ERC2: variants seen among roughly 807,000 people sequenced by gnomAD.
The protein encoded by ERC2 is ELKS/RAB6-interacting/CAST family member 2.
Under a neutral mutation model 114.8 loss-of-function variants are expected in ERC2, and 42 were observed. The ratio of observed to expected loss-of-function variants is 0.37; its 90% confidence interval spans 0.29 to 0.47. The LOEUF is 0.47. ERC2 is among the 20% of genes least tolerant of loss of function. The probability of loss-of-function intolerance (pLI) is 0.99; values close to 1 mark genes in which losing one functional copy is unlikely to be tolerated. For synonymous variants in ERC2, 454 were observed against 425.5 expected, an observed-to-expected ratio of 1.07 and a Z score of -0.82; for missense variants, 939 against 1,150.7, an observed-to-expected ratio of 0.82 and a Z score of 2.66.
chr3:56,158,024 C>T (rs534919454), intron 4 of ERC2, among the ~76,000 whole-genome samples: 2 of 152,290 alleles, frequency 1.3e-5, no homozygotes, highest in East Asian at 3.9e-4. Flanking sequence ...GCAGGGACTG[C>T]TGGCCTGGGC....
chr3:55,833,557 G>A (rs527294954), intron 14 of ERC2, among the ~76,000 whole-genome samples: 7 of 152,282 alleles, frequency 4.6e-5, no homozygotes, highest in African/African-American at 1.7e-4. Context: ...ACAAGCAAAT[G>A]CTGAGAGATT....
chr3:55,841,768 A>C (rs541381044), intron 14 of ERC2, among the ~76,000 whole-genome samples: 29 of 152,286 alleles, frequency 1.9e-4, no homozygotes, highest in African/African-American at 7.0e-4. Flanking sequence ...TTGATTCTAG[A>C]GTCAACAATC....
intron 7 of ERC2, among the ~76,000 whole-genome samples, chr3:56,030,036 G>A (rs1451695981): frequency 2.0e-5 from 3 of 152,024 alleles, no homozygotes; most frequent in Non-Finnish European, 4.4e-5. Context: ...TCAGTTTCAT[G>A]TATGTTTTTC....
At chr3:55,813,386 A>G (rs1159176462) in intron 14 of ERC2, among the ~76,000 whole-genome samples, 1 of 152,212 alleles carries the variant, frequency 6.6e-6, no homozygotes, top group Admixed American at 6.5e-5. Context: ...GTGAGTGCAG[A>G]TGGAGAACTC....
chr3:56,192,660 A>G (rs2047861892), intron 3 of ERC2, among the ~76,000 whole-genome samples: 1 of 152,136 alleles, frequency 6.6e-6, no homozygotes. Context: ...TCAGGCTGGG[A>G]CCCAGGCAGG....
intron 16 of ERC2, among the ~76,000 whole-genome samples, chr3:55,697,185 G>A (rs546833722): frequency 1.3e-5 from 2 of 152,210 alleles, no homozygotes; most frequent in Admixed American, 6.5e-5. Flanking sequence ...CCACATAGTG[G>A]CTGCCATGGA....
chr3:55,641,549 C>CAAAAAAAAAAAAAAAAA (rs57407975), intron 17 of ERC2, among the ~76,000 whole-genome samples: 1 of 28,326 alleles, frequency 3.5e-5, no homozygotes. Flanking sequence ...GATTCTATCT[C>CAAAAAAAAAAAAAAAAA]AAAAAAAAAA....
At chr3:56,429,276 CA>C (rs1183394983) in intron 2 of ERC2, among the ~76,000 whole-genome samples, 1 of 152,200 alleles carries the variant, frequency 6.6e-6, no homozygotes, top group Non-Finnish European at 1.5e-5. Context: ...CCCTGCCCCC[CA>C]TAACACCTAT....
At chr3:55,512,007 G>T (rs2052106356) in intron 17 of ERC2, among the ~76,000 whole-genome samples, 1 of 152,204 alleles carries the variant, frequency 6.6e-6, no homozygotes. Flanking sequence ...GCCTGTGAGT[G>T]CTTCTGGGTT....
intron 17 of ERC2, among the ~76,000 whole-genome samples, chr3:55,678,439 G>T (rs571310335): frequency 6.6e-6 from 1 of 152,190 alleles, no homozygotes; most frequent in African/African-American, 2.4e-5. Flanking sequence ...TTCTCTCTAG[G>T]TCCCTCTAGT....
chr3:55,981,926 G>A (rs551226989), intron 12 of ERC2, among the ~76,000 whole-genome samples: 18 of 152,226 alleles, frequency 1.2e-4, no homozygotes, highest in African/African-American at 3.9e-4. Context: ...CATGACTGCC[G>A]CCTCCCATGT....
At chr3:55,625,319 A>G (rs996429006) in intron 17 of ERC2, among the ~76,000 whole-genome samples, 10 of 149,990 alleles carry the variant, frequency 6.7e-5, no homozygotes, top group Non-Finnish European at 1.3e-4. Context: ...GTGAGCCCAG[A>G]TCGGACCACT....
At position 56,367,891 on chromosome 3, in the gene ERC2, A is replaced by G. The variant is rs543494730; in HGVS notation, c.657+66460T>C. 4.0e-5 allele frequency among the ~76,000 whole-genome samples: 6 copies of G among 151,864 alleles called. No homozygotes were observed. In the East Asian group the frequency reaches 1.2e-3, roughly 29 times the overall value. ...GTTAAAAACAAAAACAAAAACAAAA[A>G]AAGAGGTTGAGGTAGGAGTATTGCT... On this transcript the variant is annotated intron_variant, in intron 2 of 17. Transcript: ENST00000288221.
At position 56,069,312 on chromosome 3, in the gene ERC2, G is replaced by C. The variant is rs552386943; in HGVS notation, c.1641+11505C>G. On this transcript the variant is annotated intron_variant, in intron 7 of 17. Coordinates refer to ENST00000288221, the MANE Select transcript of ERC2 (RefSeq NM_015576.3). Reference sequence around the variant, plus strand: ...TGTTTACTTGCCTCTGAATTTCCATGAGAGGTTTGGGAACTCTGAAAAGTT... The same window carrying C: ...TGTTTACTTGCCTCTGAATTTCCATCAGAGGTTTGGGAACTCTGAAAAGTT... 2.0e-5 allele frequency among the ~76,000 whole-genome samples: 3 copies of C among 152,288 alleles called. No homozygotes were observed. In the South Asian group the frequency reaches 6.2e-4, roughly 32 times the overall value.
intron 2 of ERC2, among the ~76,000 whole-genome samples, chr3:56,398,153 C>T (rs972195297): frequency 1.3e-5 from 2 of 152,166 alleles, no homozygotes; most frequent in East Asian, 3.8e-4. Context: ...ATAATACAGT[C>T]TCTCATAAGT....
At chr3:55,851,924 A>G (rs1281388884) in intron 14 of ERC2, among the ~76,000 whole-genome samples, 2 of 152,146 alleles carry the variant, frequency 1.3e-5, no homozygotes, top group African/African-American at 4.8e-5. Flanking sequence ...TTAACATATT[A>G]ATTTATTGCT....
chr3:55,975,172 A>C (rs2069484943), intron 12 of ERC2, among the ~76,000 whole-genome samples: 1 of 150,644 alleles, frequency 6.6e-6, no homozygotes, highest in African/African-American at 2.5e-5. Flanking sequence ...AATAGCACCT[A>C]CTGTCTTGGA....
At chr3:56,124,712 A>G (rs2079777718) in intron 6 of ERC2, among the ~76,000 whole-genome samples, 1 of 152,224 alleles carries the variant, frequency 6.6e-6, no homozygotes, top group African/African-American at 2.4e-5. Context: ...AGCAGACAAA[A>G]TGATTCAGGA....
intron 14 of ERC2, among the ~76,000 whole-genome samples, chr3:55,840,099 A>C (rs990029714): frequency 1.3e-5 from 2 of 152,018 alleles, no homozygotes; most frequent in Non-Finnish European, 2.9e-5. Context: ...AGGGAGGATC[A>C]TTTTATATTG....
Sources: gnomAD v4.1 joint callset for allele counts (sites outside exome capture counted in the v4.1 genomes callset) on GRCh38, gnomAD v4.1.1 for gene constraint, MANE v1.5 for transcripts, NCBI Gene and HGNC (gene_info 2026-07-23, HGNC 2026-07-21) for gene names.